CHST9: variants seen among roughly 807,000 people sequenced by gnomAD.
The protein encoded by CHST9 is carbohydrate sulfotransferase 9.
Under a neutral mutation model 44.4 loss-of-function variants are expected in CHST9, and 41 were observed. That is an observed-to-expected ratio of 0.92 (90% CI 0.72 to 1.20). The LOEUF (loss-of-function observed/expected upper bound fraction) is 1.20. Ranked by LOEUF, CHST9 falls within the 50% of genes most tolerant of loss-of-function variation. The pLI is 0.00. For synonymous variants in CHST9, 171 were observed against 178.4 expected, an observed-to-expected ratio of 0.96 and a Z score of 0.33; for missense variants, 504 against 516.5, an observed-to-expected ratio of 0.98 and a Z score of 0.23.
At chr18:27,178,063 G>A (rs576200058) in intron 1 of CHST9, among the ~76,000 whole-genome samples, 2 of 152,080 alleles carry the variant, frequency 1.3e-5, no homozygotes, top group South Asian at 4.1e-4. Context: ...AATAAAGTTA[G>A]GGGTCAGTCT....
chr18:27,112,581 G>A (rs1004711377), intron 2 of CHST9, among the ~76,000 whole-genome samples: 1 of 34,064 alleles, frequency 2.9e-5, no homozygotes, highest in African/African-American at 9.8e-5. Context: ...TATTCAACGT[G>A]TGTGTGTGTG....
intron 2 of CHST9, among the ~76,000 whole-genome samples, chr18:27,141,456 T>TG (rs1356154932): frequency 1.3e-5 from 2 of 151,518 alleles, no homozygotes; most frequent in East Asian, 3.9e-4. Flanking sequence ...CCGGGTGCAG[T>TG]GGTTTGTGCC....
rs2056157717 is a variant in CHST9 at position 26,946,070 on chromosome 18, C to T, written c.203-1704G>A. Among the ~76,000 whole-genome samples the T allele has an allele frequency of 3.3e-5, 5 of 152,106 alleles. No homozygotes were observed. The South Asian group carries it at 8.3e-4, about 25-fold the overall frequency. On this transcript the variant is annotated intron_variant, in intron 4 of 5. Transcript: ENST00000618847. ...TGATGCCTGGGGCCAGTCTCAGACT[C>T]GCCAGATAATAAGAATCAATTTTCT...
intron 2 of CHST9, among the ~76,000 whole-genome samples, chr18:27,053,463 G>T (rs991572533): frequency 6.6e-6 from 1 of 151,852 alleles, no homozygotes; most frequent in Non-Finnish European, 1.5e-5. Flanking sequence ...CATCTAATCT[G>T]TCCCTCAGTC....
chr18:27,089,721 C>T (rs999228627), intron 2 of CHST9, among the ~76,000 whole-genome samples: 7 of 152,034 alleles, frequency 4.6e-5, no homozygotes, highest in Non-Finnish European at 7.4e-5. Flanking sequence ...CACTGTCTTC[C>T]ACAATAGTTG....
At chr18:27,003,611 C>T (rs1031145548) in intron 4 of CHST9, among the ~76,000 whole-genome samples, 1 of 152,118 alleles carries the variant, frequency 6.6e-6, no homozygotes, top group African/African-American at 2.4e-5. Context: ...TAAGGTGTTG[C>T]TGAGACATCT....
chr18:27,160,065 T>G (rs1178692877), intron 1 of CHST9, among the ~76,000 whole-genome samples: 1 of 152,164 alleles, frequency 6.6e-6, no homozygotes, highest in Non-Finnish European at 1.5e-5. Context: ...ACAGGGACAA[T>G]TTGACTTCCT....
At chr18:27,179,000 T>C (rs2058889665) in intron 1 of CHST9, among the ~76,000 whole-genome samples, 1 of 151,908 alleles carries the variant, frequency 6.6e-6, no homozygotes, top group South Asian at 2.1e-4. Flanking sequence ...AAGCCTAAAA[T>C]TATGTGTGTA....
At chr18:27,057,831 G>A (rs117731210) in intron 2 of CHST9, among the ~76,000 whole-genome samples, 2,148 of 152,292 alleles carry the variant, frequency 0.014, 34 homozygotes, top group South Asian at 0.033. Flanking sequence ...TGACCTCTCT[G>A]TAAAGAAATA....
intron 4 of CHST9, among the ~76,000 whole-genome samples, chr18:26,987,273 A>T (rs1277259127): frequency 1.3e-5 from 2 of 152,184 alleles, no homozygotes; most frequent in Admixed American, 1.3e-4. Context: ...CTCTCTTTGC[A>T]CGTGTCTGCT....
chr18:27,154,272 G>T (rs1026115739), intron 1 of CHST9, among the ~76,000 whole-genome samples: 1 of 151,864 alleles, frequency 6.6e-6, no homozygotes, highest in African/African-American at 2.4e-5. Context: ...ATTTTATATT[G>T]ATTATTTAAC....
intron 4 of CHST9, among the ~76,000 whole-genome samples, chr18:26,982,900 C>T (rs184734056): frequency 1.9e-4 from 29 of 152,254 alleles, no homozygotes; most frequent in South Asian, 4.2e-4. Flanking sequence ...CGGCCCTTGC[C>T]TTAAGCTCCT....
chr18:27,132,956 G>A (rs2058484279), intron 2 of CHST9, among the ~76,000 whole-genome samples: 1 of 152,122 alleles, frequency 6.6e-6, no homozygotes, highest in African/African-American at 2.4e-5. Context: ...AGCTGAACAA[G>A]CTTCTGACCT....
chr18:27,086,915 C>T (rs756979231), intron 2 of CHST9, among the ~76,000 whole-genome samples: 5 of 151,790 alleles, frequency 3.3e-5, no homozygotes, highest in Admixed American at 6.6e-5. Context: ...AAATGTGGGG[C>T]TCTAACATGA....
chr18:27,028,319 T>C (rs1694633737), intron 3 of CHST9, among the ~76,000 whole-genome samples: 1 of 152,216 alleles, frequency 6.6e-6, no homozygotes, highest in South Asian at 2.1e-4. Context: ...TTGGTTTACA[T>C]AATTATCATT....
At chr18:27,113,631 A>C (rs1345573494) in intron 2 of CHST9, among the ~76,000 whole-genome samples, 1 of 152,160 alleles carries the variant, frequency 6.6e-6, no homozygotes, top group Admixed American at 6.5e-5. Flanking sequence ...CCATGTAAAG[A>C]CACAGCAAGA....
At chr18:27,164,669 T>C (rs2058776280) in intron 1 of CHST9, among the ~76,000 whole-genome samples, 1 of 152,320 alleles carries the variant, frequency 6.6e-6, no homozygotes, top group East Asian at 1.9e-4. Context: ...GACATTGTCT[T>C]GACATTTCAG....
At chr18:26,919,589 A>C (rs1462840707) in intron 5 of CHST9, among the ~76,000 whole-genome samples, 3 of 152,152 alleles carry the variant, frequency 2.0e-5, no homozygotes, top group African/African-American at 7.2e-5. Flanking sequence ...CTTTAATCCC[A>C]GGGACCTGGT....
intron 2 of CHST9, among the ~76,000 whole-genome samples, chr18:27,075,997 T>C (rs1162468816): frequency 3.3e-5 from 5 of 152,216 alleles, no homozygotes; most frequent in African/African-American, 1.2e-4. Flanking sequence ...CGAGTAGCCA[T>C]TGGAGGCTGT....
Sources: allele counts gnomAD v4.1 joint callset (sites outside exome capture counted in the v4.1 genomes callset), GRCh38; gene constraint gnomAD v4.1.1; transcripts MANE v1.5; gene names NCBI Gene and HGNC (gene_info 2026-07-23, HGNC 2026-07-21).